The following CDK6 variants were observed in gnomAD, a reference collection of about 807,000 sequenced individuals.
CDK6 encodes the protein cyclin-dependent kinase 6.
CDK6 carries 6 observed loss-of-function variants against 37.1 expected under a neutral mutation model. The observed-to-expected ratio is 0.16, with a 90% confidence interval of 0.09 to 0.32. CDK6 has a LOEUF of 0.32. Ranked by LOEUF, CDK6 falls within the 10% of genes least tolerant of loss-of-function variation. CDK6 has a pLI of 1.00. For missense variants in CDK6, 224 were observed against 418.9 expected (o/e 0.53, Z 4.06); for synonymous variants, 160 against 161.3 (o/e 0.99, Z 0.06).
At chr7:92,777,285 G>C (rs962670111) in intron 2 of CDK6, among the ~76,000 whole-genome samples, 1 of 152,048 alleles carries the variant, frequency 6.6e-6, no homozygotes, top group Non-Finnish European at 1.5e-5. Flanking sequence ...CCAGGCTGGA[G>C]TGCAATGGCA....
At chr7:92,652,477 G>T (rs894549715) in intron 5 of CDK6, among the ~76,000 whole-genome samples, 2 of 152,262 alleles carry the variant, frequency 1.3e-5, no homozygotes, top group Admixed American at 1.3e-4. Context: ...AGGGTAAAAT[G>T]AAACATAATT....
At chr7:92,628,352 C>T (rs1371775967) in intron 5 of CDK6, among the ~76,000 whole-genome samples, 2 of 138,364 alleles carry the variant, frequency 1.4e-5, no homozygotes, top group African/African-American at 2.8e-5. Context: ...GTTCACCTCA[C>T]TTCTTCATTC....
rs1207784527 is a variant in CDK6 at position 92,771,464 on chromosome 7, T to C, written c.369+3232A>G. Among the ~76,000 whole-genome samples the C allele has an allele frequency of 3.9e-5, 6 of 152,302 alleles. No individual in the cohort carries two copies. The South Asian group carries it at 1.0e-3, about 26-fold the overall frequency. On this transcript the variant is annotated intron_variant, in intron 3 of 7. Transcript: ENST00000424848. Reference sequence around the variant, plus strand: ...TGGATCCTTTGAAAAGTAATTTAAATTTAAGTATTTTAAAAAATAGTTTGG... The same window carrying C: ...TGGATCCTTTGAAAAGTAATTTAAACTTAAGTATTTTAAAAAATAGTTTGG...
chr7:92,817,452 A>T (rs1378891696), intron 2 of CDK6, among the ~76,000 whole-genome samples: 1 of 151,910 alleles, frequency 6.6e-6, no homozygotes, highest in Non-Finnish European at 1.5e-5. Context: ...TTCAGTACCC[A>T]ATCATGAAAA....
chr7:92,725,417 T>C, intron 4 of CDK6: 1 of 782,256 alleles, frequency 1.3e-6, no homozygotes, highest in Non-Finnish European at 1.6e-6. Context: ...CTGCAATGGA[T>C]CCTGTCCACA....
At position 92,716,194 on chromosome 7, in the gene CDK6, G is replaced by C. The variant is rs193001114; in HGVS notation, c.537+9432C>G. On this transcript the variant is annotated intron_variant, in intron 4 of 7. Coordinates refer to ENST00000424848, the MANE Select transcript of CDK6 (RefSeq NM_001145306.2). ...CACAAGCAGCAACATGGAGAATGCA[G>C]AGTAGGAAATCCATTCATTGATTCA... Among the ~76,000 whole-genome samples the C allele has an allele frequency of 2.4e-4, 37 of 152,338 alleles. No homozygotes were observed. In the East Asian group the frequency reaches 6.9e-3, roughly 29 times the overall value.
At chr7:92,722,820 A>G (rs1798398825) in intron 4 of CDK6, among the ~76,000 whole-genome samples, 1 of 152,224 alleles carries the variant, frequency 6.6e-6, no homozygotes, top group Non-Finnish European at 1.5e-5. Context: ...GCTGAATAAG[A>G]TGAGCATCTG....
At chr7:92,679,541 ATCTT>A (rs1341490313) in intron 4 of CDK6, among the ~76,000 whole-genome samples, 1 of 152,216 alleles carries the variant, frequency 6.6e-6, no homozygotes, top group African/African-American at 2.4e-5. Flanking sequence ...ATACTTCAGA[ATCTT>A]TATTTTGTCA....
Position 92,608,464 on chromosome 7 carries a change from G to A in CDK6, c.*6676C>T, listed in dbSNP as rs1400791454. Reference sequence around the variant, plus strand: ...ACTTTTCAAAACAAAACTTTTCCAGGCATATCTTTCACCATCACATATATA... The same window carrying A: ...ACTTTTCAAAACAAAACTTTTCCAGACATATCTTTCACCATCACATATATA... On this transcript the variant is annotated 3_prime_UTR_variant, in exon 8 of 8. Transcript: ENST00000424848. The A allele has an allele frequency of 8.7e-6, 2 of 229,890 alleles. No homozygotes were observed. Among genetic ancestry groups the A allele is most frequent in the Non-Finnish European group, 1.7e-5 (2 of 116,304 alleles). The allele number at this position is 229,890 out of a possible 1,614,324, so 14.2% of individuals were successfully genotyped here. A position where few individuals can be genotyped will look rare whatever the true frequency, so the allele number is the denominator to read the frequency against.
At chr7:92,672,184 GACACATACACACACAC>G (rs1797095916) in intron 4 of CDK6, among the ~76,000 whole-genome samples, 10 of 44,138 alleles carry the variant, frequency 2.3e-4, no homozygotes, top group African/African-American at 5.0e-4. Flanking sequence ...CACACACACA[GACACATACACACACAC>G]ACACACACAC....
chr7:92,743,292 C>T lies in CDK6; in HGVS notation c.370-17499G>A, dbSNP rs544477911. 2.0e-5 allele frequency among the ~76,000 whole-genome samples: 3 copies of T among 151,926 alleles called. No individual in the cohort carries two copies. The East Asian group carries it at 5.8e-4, about 29-fold the overall frequency. On this transcript the variant is annotated intron_variant, in intron 3 of 7. Transcript: ENST00000424848. ...TCAAGAGGCTGAGGCAGGAGAATCG[C>T]TTGAACCAGGGAGGCAGAGGTTGCC...
intron 5 of CDK6, among the ~76,000 whole-genome samples, chr7:92,629,586 C>T (rs879472368): frequency 3.3e-5 from 5 of 152,146 alleles, no homozygotes; most frequent in East Asian, 1.9e-4. Flanking sequence ...TAAGACTAAG[C>T]GGTCGTTGAG....
At chr7:92,689,855 T>C (rs1177544609) in intron 4 of CDK6, among the ~76,000 whole-genome samples, 1 of 152,196 alleles carries the variant, frequency 6.6e-6, no homozygotes, top group Non-Finnish European at 1.5e-5. Context: ...CTCTTGTGGT[T>C]TTGATTTGCA....
intron 2 of CDK6, among the ~76,000 whole-genome samples, chr7:92,813,348 C>A (rs1475574848): frequency 1.3e-5 from 2 of 152,034 alleles, no homozygotes; most frequent in East Asian, 3.8e-4. Context: ...AAAAAAAATG[C>A]ACCAAAGCTT....
rs944213213 is a variant in CDK6, at chr7:92,608,130, A to G, written c.*7010T>C. ...TTCTAGGGACCACAGAGAGTTAGAA[A>G]TTAAATAATTGTGTGGCTCTATGTG... On this transcript the variant is annotated 3_prime_UTR_variant, in exon 8 of 8. Transcript: ENST00000424848. 2 of 232,850 alleles carry G rather than the reference A, an allele frequency of 8.6e-6. No individual in the cohort carries two copies. The highest frequency in any genetic ancestry group is 4.4e-5 in the African/African-American group (2 of 45,324). The allele number at this position is 232,850 out of a possible 1,614,324, so 14.4% of individuals were successfully genotyped here.
chr7:92,820,231 A>G (rs1801138213), intron 2 of CDK6, among the ~76,000 whole-genome samples: 2 of 152,176 alleles, frequency 1.3e-5, no homozygotes, highest in African/African-American at 4.8e-5. Flanking sequence ...ATTTTAAACA[A>G]GTGATGCAGA....
At chr7:92,816,722 A>G (rs939960169) in intron 2 of CDK6, among the ~76,000 whole-genome samples, 3 of 152,002 alleles carry the variant, frequency 2.0e-5, no homozygotes, top group Non-Finnish European at 2.9e-5. Context: ...TAAAAACAAA[A>G]TAAGTATCAA....
At chr7:92,732,467 T>C (rs1398740848) in intron 3 of CDK6, among the ~76,000 whole-genome samples, 1 of 152,226 alleles carries the variant, frequency 6.6e-6, no homozygotes, top group Non-Finnish European at 1.5e-5. Flanking sequence ...AAATACTTTC[T>C]TATCTTTCCA....
chr7:92,623,399 G>A (rs1460630477), intron 5 of CDK6, among the ~76,000 whole-genome samples: 2 of 152,052 alleles, frequency 1.3e-5, no homozygotes, highest in South Asian at 2.1e-4. Context: ...GCTTAACTTC[G>A]TGATAAGGTG....
Sources: allele counts gnomAD v4.1 joint callset (sites outside exome capture counted in the v4.1 genomes callset), GRCh38; gene constraint gnomAD v4.1.1; transcripts MANE v1.5; gene names NCBI Gene and HGNC (gene_info 2026-07-23, HGNC 2026-07-21).